The following MAD1L1 variants were observed in gnomAD, a reference collection of about 807,000 sequenced individuals.
MAD1L1 encodes mitotic arrest deficient 1 like 1.
In MAD1L1, 95 loss-of-function variants were observed where a neutral mutation model predicts 96.9. That is an observed-to-expected ratio of 0.98 (90% CI 0.83 to 1.16). The LOEUF is 1.16. Among genes scored for constraint, MAD1L1 ranks in the 50% most tolerant of loss-of-function variants. The probability of loss-of-function intolerance (pLI) is 0.00; values close to 1 mark genes in which losing one functional copy is unlikely to be tolerated. For missense variants in MAD1L1, 1,007 were observed against 954.4 expected (o/e 1.06, Z -0.73); for synonymous variants, 473 against 396.6 (o/e 1.19, Z -2.29).
intron 10 of MAD1L1, among the ~76,000 whole-genome samples, chr7:2,203,083 G>A (rs1231077011): frequency 3.9e-5 from 6 of 152,046 alleles, no homozygotes; most frequent in African/African-American, 1.4e-4. Flanking sequence ...CCTCAGGCCT[G>A]CCCTTGCTGA....
chr7:1,978,745 G>A (rs73047997), intron 15 of MAD1L1, among the ~76,000 whole-genome samples: 5,158 of 152,258 alleles, frequency 0.034, 189 homozygotes, highest in Admixed American at 0.097. Flanking sequence ...GCCTCTAGGT[G>A]AAGAATGGCC....
intron 12 of MAD1L1, among the ~76,000 whole-genome samples, chr7:2,066,568 C>T (rs1173221080): frequency 6.6e-6 from 1 of 152,208 alleles, no homozygotes; most frequent in African/African-American, 2.4e-5. Flanking sequence ...GTGCCAGAGG[C>T]TCTCCACCTG....
intron 11 of MAD1L1, among the ~76,000 whole-genome samples, chr7:2,128,617 C>T (rs1035958137): frequency 3.3e-5 from 5 of 152,208 alleles, no homozygotes; most frequent in African/African-American, 7.2e-5. Flanking sequence ...GAAGGATGAG[C>T]GGCAAAGCAG....
chr7:2,112,053 G>A (rs1382922619), intron 11 of MAD1L1, among the ~76,000 whole-genome samples: 2 of 152,200 alleles, frequency 1.3e-5, no homozygotes, highest in East Asian at 1.9e-4. Flanking sequence ...AGCCGTGCCT[G>A]GAGCATCACT....
At chr7:1,929,328 G>A (rs939455307) in intron 17 of MAD1L1, among the ~76,000 whole-genome samples, 1 of 152,166 alleles carries the variant, frequency 6.6e-6, no homozygotes, top group African/African-American at 2.4e-5. Context: ...TCAATGTGCT[G>A]CTAAGATTAT....
intron 11 of MAD1L1, among the ~76,000 whole-genome samples, chr7:2,104,344 G>A (rs141205742): frequency 0.014 from 2,100 of 152,322 alleles, 41 homozygotes; most frequent in African/African-American, 0.048. Context: ...CCACAGCCCC[G>A]CCCCTCCGCG....
chr7:1,832,618 T>C (rs1335047111), intron 18 of MAD1L1, among the ~76,000 whole-genome samples: 1 of 22,502 alleles, frequency 4.4e-5, no homozygotes, highest in Non-Finnish European at 7.5e-5. Context: ...CATTGCTGTG[T>C]TTTTTTTTTT....
intron 11 of MAD1L1, among the ~76,000 whole-genome samples, chr7:2,069,542 T>C (rs1181416055): frequency 2.0e-5 from 3 of 152,152 alleles, no homozygotes; most frequent in Non-Finnish European, 2.9e-5. Flanking sequence ...CCCAGGGTGA[T>C]CCCAGAACAC....
chr7:1,968,859 T>G lies in MAD1L1; in HGVS notation c.1506-11140A>C, dbSNP rs1365449231. Among the ~76,000 whole-genome samples the G allele has an allele frequency of 6.6e-6, 1 of 152,212 alleles. No individual in the cohort carries two copies. The highest frequency in any genetic ancestry group is 1.5e-5 in the Non-Finnish European group (1 of 68,048). ...TCACCGACCAGCGGCAGAAGAGATG[T>G]GACGACTAAAATCAACACGGTGCCC... On this transcript the variant is annotated intron_variant, in intron 15 of 18. Transcript: ENST00000265854. This position sits in a 1 kb window ranked among gnomAD's most constrained non-coding sequence, Gnocchi z 5.6.
intron 16 of MAD1L1, 129 bp downstream of exon 16, chr7:1,957,500 G>T: frequency 1.1e-6 from 1 of 897,998 alleles, no homozygotes; most frequent in Non-Finnish European, 1.7e-6. Flanking sequence ...GCACATGGGA[G>T]GGAGGAGAGT....
intron 11 of MAD1L1, among the ~76,000 whole-genome samples, chr7:2,125,816 G>A (rs1584383737): frequency 6.6e-6 from 1 of 152,280 alleles, no homozygotes; most frequent in South Asian, 2.1e-4. Context: ...AATATCAAGA[G>A]AGACTCCTGA....
intron 18 of MAD1L1, among the ~76,000 whole-genome samples, chr7:1,837,867 G>T (rs4721097): frequency 0.38 from 57,914 of 151,756 alleles, 11,328 homozygotes; most frequent in Admixed American, 0.51. Flanking sequence ...ACGGGTGCGT[G>T]TATACAGATG....
intron 12 of MAD1L1, among the ~76,000 whole-genome samples, chr7:2,049,158 C>T (rs954579319): frequency 9.2e-5 from 14 of 152,238 alleles, no homozygotes; most frequent in African/African-American, 3.1e-4. Context: ...GTGCATGCTT[C>T]ATTCTTCCAG....
chr7:1,829,453 G>C (rs1782595006), intron 18 of MAD1L1: 1 of 152,228 alleles, frequency 6.6e-6, no homozygotes, highest in South Asian at 2.1e-4. Flanking sequence ...CGGCCACATG[G>C]GTGTACCTGG....
chr7:2,051,807 A>C (rs1584194597), intron 12 of MAD1L1, among the ~76,000 whole-genome samples: 2 of 29,238 alleles, frequency 6.8e-5, no homozygotes, highest in African/African-American at 2.6e-4. Flanking sequence ...TCCACCCCCC[A>C]ACCCCATCCC....
chr7:1,956,896 G>A (rs983283115), intron 16 of MAD1L1, among the ~76,000 whole-genome samples: 3 of 152,236 alleles, frequency 2.0e-5, no homozygotes, highest in Non-Finnish European at 4.4e-5. Context: ...CAGGGAAGCC[G>A]TAAGTGGTGC....
intron 17 of MAD1L1, among the ~76,000 whole-genome samples, chr7:1,905,491 T>C (rs1326892552): frequency 2.0e-5 from 3 of 151,136 alleles, no homozygotes; most frequent in Non-Finnish European, 4.4e-5. Context: ...GCGGAACTCA[T>C]GATTGATGAA....
chr7:2,014,475 G>A (rs764993113), intron 13 of MAD1L1, 27 bp downstream of exon 13: 23 of 1,532,272 alleles, frequency 1.5e-5, no homozygotes, highest in East Asian at 1.2e-4. Context: ...ACCTGGCGAC[G>A]TGAGCCCCAC....
At chr7:1,970,114 G>T (rs977374349) in intron 15 of MAD1L1, among the ~76,000 whole-genome samples, 1 of 152,168 alleles carries the variant, frequency 6.6e-6, no homozygotes, top group Non-Finnish European at 1.5e-5. Flanking sequence ...AAGACTGCAT[G>T]TTGTAGGACT....
Sources: allele counts gnomAD v4.1 joint callset (sites outside exome capture counted in the v4.1 genomes callset), GRCh38; gene constraint gnomAD v4.1.1; non-coding constraint Gnocchi (gnomAD v3.1); transcripts MANE v1.5; gene names NCBI Gene and HGNC (gene_info 2026-07-23, HGNC 2026-07-21).